The following CNTN4 variants were observed in gnomAD, a reference collection of about 807,000 sequenced individuals.
CNTN4 encodes the protein contactin-4.
Under a neutral mutation model 122.5 loss-of-function variants are expected in CNTN4, and 77 were observed. The observed-to-expected ratio is 0.63, with a 90% CI of 0.52 to 0.76. The LOEUF (loss-of-function observed/expected upper bound fraction) is 0.76, where lower values mean the gene tolerates loss of function less well. CNTN4 is among the 30% of genes least tolerant of loss of function. CNTN4 has a pLI of 0.00. For missense variants in CNTN4, 1,256 were observed against 1,259.1 expected (o/e 1.00, Z 0.04); for synonymous variants, 512 against 447.0 (o/e 1.15, Z -1.83).
chr3:2,943,448 A>G (rs1461242283), intron 13 of CNTN4, among the ~76,000 whole-genome samples: 1 of 152,052 alleles, frequency 6.6e-6, no homozygotes, highest in African/African-American at 2.4e-5. Context: ...TCAAGTGAGA[A>G]GGAACACTCG....
chr3:2,482,236 A>G (rs978739332), intron 3 of CNTN4, among the ~76,000 whole-genome samples: 8 of 152,214 alleles, frequency 5.3e-5, no homozygotes, highest in Admixed American at 3.3e-4. Context: ...CTTCTTGGGA[A>G]CTGGAGCAGA....
At chr3:2,834,077 C>CT (rs1239900862) in intron 7 of CNTN4, among the ~76,000 whole-genome samples, 7 of 151,614 alleles carry the variant, frequency 4.6e-5, no homozygotes, top group Non-Finnish European at 1.0e-4. Flanking sequence ...TCACGGGAGG[C>CT]AGAGGTTGCA....
rs13068264 is a variant in CNTN4 at position 2,988,539 on chromosome 3, C to T, written c.1486+67C>T. The T allele has an allele frequency of 9.1e-6, 14 of 1,539,786 alleles. No homozygotes were observed. In the Middle Eastern group the frequency reaches 5.1e-4, roughly 56 times the overall value. On this transcript the variant is annotated intron_variant, in intron 14 of 24. Transcript: ENST00000418658. ...CCTCGTGTCTAATAATGTAATCTAC[C>T]GAAGTGGCATCATTCATATTAATAT...
intron 12 of CNTN4, among the ~76,000 whole-genome samples, chr3:2,912,102 G>C (rs558852915): frequency 3.8e-5 from 3 of 79,216 alleles, no homozygotes; most frequent in Non-Finnish European, 8.2e-5. Flanking sequence ...ACTGCAGCTA[G>C]GATGAATCCA....
intron 2 of CNTN4, among the ~76,000 whole-genome samples, chr3:2,244,270 ATATCT>A (rs1398553644): frequency 6.6e-6 from 1 of 152,118 alleles, no homozygotes; most frequent in African/African-American, 2.4e-5. Context: ...TCATCTCAAA[ATATCT>A]TATTATACTG....
chr3:2,270,042 C>T lies in CNTN4; in HGVS notation c.-144-69136C>T, dbSNP rs546236464. On this transcript the variant is annotated intron_variant, in intron 2 of 24. Transcript: ENST00000418658. The stretch of plus-strand genomic sequence containing the variant: ...TCGGCTCACTGCAAGCTCCGCTTCC[C>T]GGGTTCACGCCATTCTCCTGCCTCA... 6.0e-4 allele frequency among the ~76,000 whole-genome samples: 58 copies of T among 96,992 alleles called. 10 individuals carry two copies. The highest frequency in any genetic ancestry group is 1.8e-3 in the African/African-American group (57 of 31,078). The allele number at this position is 96,992 out of a possible 152,430, so 63.6% of individuals were successfully genotyped here.
At chr3:2,727,705 T>C (rs1307771063) in intron 4 of CNTN4, among the ~76,000 whole-genome samples, 1 of 152,186 alleles carries the variant, frequency 6.6e-6, no homozygotes, top group Non-Finnish European at 1.5e-5. Context: ...TCATTATGTG[T>C]GGGACAAATG....
chr3:2,288,961 A>G (rs1396869707), intron 2 of CNTN4, among the ~76,000 whole-genome samples: 1 of 152,156 alleles, frequency 6.6e-6, no homozygotes, highest in East Asian at 1.9e-4. Context: ...AAAGATAGGT[A>G]GCGAAATTCA....
intron 2 of CNTN4, among the ~76,000 whole-genome samples, chr3:2,105,753 T>C (rs2032390485): frequency 6.6e-6 from 1 of 152,196 alleles, no homozygotes; most frequent in Non-Finnish European, 1.5e-5. Context: ...ATATCATGTC[T>C]TTTCACATTT....
intron 12 of CNTN4, among the ~76,000 whole-genome samples, chr3:2,917,422 C>T (rs566909751): frequency 6.6e-6 from 1 of 151,006 alleles, no homozygotes; most frequent in African/African-American, 2.5e-5. Flanking sequence ...ATTTTTCAAA[C>T]TTGAAGACTC....
At chr3:2,552,715 T>G (rs1250725758) in intron 3 of CNTN4, among the ~76,000 whole-genome samples, 1 of 152,072 alleles carries the variant, frequency 6.6e-6, no homozygotes, top group African/African-American at 2.4e-5. Context: ...AAGGCAGGTA[T>G]GGGGTGGAGA....
At chr3:2,522,013 C>A (rs1172218616) in intron 3 of CNTN4, among the ~76,000 whole-genome samples, 1 of 152,100 alleles carries the variant, frequency 6.6e-6, no homozygotes, top group Non-Finnish European at 1.5e-5. Flanking sequence ...TGTTTGGAGC[C>A]TACAGGCTCA....
chr3:2,681,101 A>G (rs1295705348), intron 4 of CNTN4, among the ~76,000 whole-genome samples: 1 of 152,210 alleles, frequency 6.6e-6, no homozygotes. Context: ...CCTTGTATTA[A>G]TCATTCTGGG....
intron 2 of CNTN4, among the ~76,000 whole-genome samples, chr3:2,208,608 A>G (rs1329082985): frequency 6.6e-6 from 1 of 152,168 alleles, no homozygotes; most frequent in Non-Finnish European, 1.5e-5. Context: ...TTTTGAATTG[A>G]CTGCATTTCT....
intron 3 of CNTN4, among the ~76,000 whole-genome samples, chr3:2,358,956 A>C (rs765375565): frequency 1.5e-4 from 23 of 152,134 alleles, no homozygotes; most frequent in Admixed American, 1.3e-4. Flanking sequence ...GCCTCTGCAG[A>C]GTGTACTTTT....
chr3:2,389,847 A>C (rs1173240334), intron 3 of CNTN4, among the ~76,000 whole-genome samples: 4 of 152,228 alleles, frequency 2.6e-5, no homozygotes, highest in Non-Finnish European at 4.4e-5. Context: ...GGAAGTATCT[A>C]ATTATGAGGA....
intron 2 of CNTN4, among the ~76,000 whole-genome samples, chr3:2,254,325 A>G (rs1277792205): frequency 1.3e-5 from 2 of 152,110 alleles, no homozygotes; most frequent in African/African-American, 4.8e-5. Flanking sequence ...AGTCTTTGTT[A>G]TTGTGAACAG....
At chr3:2,955,800 C>G (rs188072273) in intron 13 of CNTN4, among the ~76,000 whole-genome samples, 1 of 152,118 alleles carries the variant, frequency 6.6e-6, no homozygotes, top group Non-Finnish European at 1.5e-5. Flanking sequence ...AAGGAATGGT[C>G]AAAAGTGACA....
chr3:2,709,227 G>C lies in CNTN4; in HGVS notation c.56-26988G>C, dbSNP rs528065834. On this transcript the variant is annotated intron_variant, in intron 4 of 24. Coordinates refer to ENST00000418658, the MANE Select transcript of CNTN4 (RefSeq NM_175607.3). The surrounding 1 kb of genome is among the most constrained non-coding windows in gnomAD (Gnocchi z 5.0). ...TTGGTAAAAATAACTATTTCTTTTA[G>C]AATAAAGAATGTATTTATAGTTTTG... 2.8e-4 allele frequency among the ~76,000 whole-genome samples: 42 copies of C among 152,226 alleles called. No homozygotes were observed. The highest frequency in any genetic ancestry group is 9.4e-4 in the African/African-American group (39 of 41,528).
Sources: allele counts gnomAD v4.1 joint callset (sites outside exome capture counted in the v4.1 genomes callset), GRCh38; gene constraint gnomAD v4.1.1; non-coding constraint Gnocchi (gnomAD v3.1); transcripts MANE v1.5; gene names NCBI Gene and HGNC (gene_info 2026-07-23, HGNC 2026-07-21).